Variants in EFCAB11 observed in about 807,000 individuals in gnomAD.
EFCAB11 encodes the protein EF-hand calcium binding domain 11.
Under a neutral mutation model 23.0 loss-of-function variants are expected in EFCAB11, and 14 were observed. The observed-to-expected ratio is 0.61, with a 90% confidence interval of 0.40 to 0.95. The LOEUF is 0.95. EFCAB11 is among the 40% of genes least tolerant of loss of function. The pLI, the probability that EFCAB11 is intolerant of heterozygous loss-of-function variation, is 0.00. For missense variants in EFCAB11, 198 were observed against 195.8 expected, an observed-to-expected ratio of 1.01 and a Z score of -0.07; for synonymous variants, 65 against 66.6, an observed-to-expected ratio of 0.98 and a Z score of 0.11.
intron 5 of EFCAB11, among the ~76,000 whole-genome samples, chr14:89,929,294 C>T (rs1005963166): frequency 6.6e-6 from 1 of 152,116 alleles, no homozygotes; most frequent in Non-Finnish European, 1.5e-5. Flanking sequence ...AAGCAGTCCT[C>T]CTGCCTTGGC....
chr14:89,834,133 T>TCACGAGGTCAGGAGATAGAGAC (rs1365166041), intron 5 of EFCAB11, among the ~76,000 whole-genome samples: 1 of 145,550 alleles, frequency 6.9e-6, no homozygotes, highest in Non-Finnish European at 1.6e-5. Context: ...GGCGGGCCTA[T>TCACGAGGTCAGGAGATAGAGAC]CACGAGGTCA....
intron 5 of EFCAB11, chr14:89,829,715 G>C (rs1364175554): frequency 6.6e-6 from 1 of 152,144 alleles, no homozygotes; most frequent in Non-Finnish European, 1.5e-5. Flanking sequence ...AGATTGCTAT[G>C]ACACATGTTC....
At position 89,875,381 on chromosome 14, in the gene EFCAB11, T is replaced by C. The variant is rs535473247; in HGVS notation, c.410+56160A>G. Among the ~76,000 whole-genome samples the C allele has an allele frequency of 2.0e-5, 3 of 152,228 alleles. 1 individual carries two copies. The South Asian group carries it at 6.2e-4, about 32-fold the overall frequency. The stretch of plus-strand genomic sequence containing the variant: ...TGAATTATGAACCTACAATTCAAGA[T>C]GAGATTTGGGTGGGGACACAGCCAA... On this transcript the variant is annotated intron_variant, in intron 5 of 5. Coordinates refer to ENST00000316738, the MANE Select transcript of EFCAB11 (RefSeq NM_145231.4).
intron 5 of EFCAB11, among the ~76,000 whole-genome samples, chr14:89,799,901 T>C (rs1023539430): frequency 1.3e-5 from 2 of 152,122 alleles, no homozygotes; most frequent in Non-Finnish European, 2.9e-5. Context: ...TAAAAACGCT[T>C]GTGGCTGGGC....
At chr14:89,879,819 C>T (rs558893940) in intron 5 of EFCAB11, among the ~76,000 whole-genome samples, 38 of 152,154 alleles carry the variant, frequency 2.5e-4, no homozygotes, top group African/African-American at 8.9e-4. Context: ...CTGAGTATAA[C>T]CTTATAAGCC....
At chr14:89,845,143 G>A (rs960034134) in intron 5 of EFCAB11, among the ~76,000 whole-genome samples, 2 of 152,128 alleles carry the variant, frequency 1.3e-5, no homozygotes, top group African/African-American at 2.4e-5. Flanking sequence ...ATAAACATAA[G>A]CTAAAGAAAT....
chr14:89,911,150 G>T (rs1889662422), intron 5 of EFCAB11, among the ~76,000 whole-genome samples: 1 of 152,000 alleles, frequency 6.6e-6, no homozygotes, highest in Non-Finnish European at 1.5e-5. Flanking sequence ...GAAGTCCAAG[G>T]GATTTAAACA....
intron 5 of EFCAB11, chr14:89,923,793 C>CTA: frequency 1.0e-5 from 10 of 985,414 alleles, no homozygotes; most frequent in Non-Finnish European, 1.2e-5. Flanking sequence ...GAAATTTTCT[C>CTA]TTGTTAGAGA....
intron 5 of EFCAB11, chr14:89,923,204 T>A (rs967249831): frequency 6.6e-6 from 1 of 152,166 alleles, no homozygotes; most frequent in African/African-American, 2.4e-5. Context: ...AAAGAGACAA[T>A]CAAAATCAAT....
chr14:89,923,600 G>T, intron 5 of EFCAB11: 1 of 817,256 alleles, frequency 1.2e-6, no homozygotes, highest in Non-Finnish European at 1.5e-6. Flanking sequence ...ATCTATGTAT[G>T]GCTACAAAGA....
chr14:89,896,157 G>A (rs1889150646), intron 5 of EFCAB11, among the ~76,000 whole-genome samples: 2 of 152,124 alleles, frequency 1.3e-5, no homozygotes, highest in African/African-American at 2.4e-5. Context: ...AGGCCGAGGC[G>A]GGCGGACCAC....
At position 89,797,055 on chromosome 14, in the gene EFCAB11, C is replaced by A; in HGVS notation, c.*188G>T. On this transcript the variant is annotated 3_prime_UTR_variant, in exon 6 of 6. Transcript: ENST00000316738. ...TCAATTACTTATTGCATGCCTGTGCCAAAATATCTCCCGTAACCCATATAT... is the reference window on the plus strand; with the variant it reads ...TCAATTACTTATTGCATGCCTGTGCAAAAATATCTCCCGTAACCCATATAT... 2.8e-6 allele frequency: 1 copy of A among 352,368 alleles called. No individual in the cohort carries two copies. The highest frequency in any genetic ancestry group is 4.5e-5 in the Admixed American group (1 of 22,412). The allele number at this position is 352,368 out of a possible 1,614,324, so 21.8% of individuals were successfully genotyped here.
intron 5 of EFCAB11, 95 bp from the exon 6 acceptor site, chr14:89,797,419 G>T: frequency 9.0e-7 from 1 of 1,115,448 alleles, no homozygotes; most frequent in Non-Finnish European, 1.3e-6. Context: ...GCATGTCTGT[G>T]TGAGAGAGGA....
At chr14:89,804,132 C>A (rs7149266) in intron 5 of EFCAB11, among the ~76,000 whole-genome samples, 108 of 152,336 alleles carry the variant, frequency 7.1e-4, no homozygotes, top group African/African-American at 2.5e-3. Context: ...GTATCTTTTG[C>A]TGTTTGGGAC....
intron 5 of EFCAB11, among the ~76,000 whole-genome samples, chr14:89,910,137 AAT>A (rs1457981085): frequency 6.6e-6 from 1 of 152,218 alleles, no homozygotes; most frequent in Non-Finnish European, 1.5e-5. Context: ...GATTCTAACA[AAT>A]ATGTGTTTCC....
intron 1 of EFCAB11, 114 bp from the exon 2 acceptor site, chr14:89,954,115 T>C: frequency 1.0e-6 from 1 of 957,104 alleles, no homozygotes; most frequent in Non-Finnish European, 1.5e-6. Flanking sequence ...CGGTAGAGTA[T>C]GAAAATAGAA....
chr14:89,839,860 T>C (rs1887201690), intron 5 of EFCAB11, among the ~76,000 whole-genome samples: 3 of 152,030 alleles, frequency 2.0e-5, no homozygotes. Context: ...ACTCATTCGC[T>C]ATATAGTACC....
chr14:89,873,099 C>G (rs1888333041), intron 5 of EFCAB11, among the ~76,000 whole-genome samples: 1 of 152,160 alleles, frequency 6.6e-6, no homozygotes, highest in Admixed American at 6.5e-5. Flanking sequence ...AGACTGGGTA[C>G]TTTATAAAGG....
intron 5 of EFCAB11, among the ~76,000 whole-genome samples, chr14:89,872,387 G>A (rs964323289): frequency 4.6e-5 from 7 of 152,344 alleles, no homozygotes; most frequent in African/African-American, 1.7e-4. Context: ...CCGCATGGGT[G>A]GGGCACAGTG....
Sources: gnomAD v4.1 joint callset for allele counts (sites outside exome capture counted in the v4.1 genomes callset) on GRCh38, gnomAD v4.1.1 for gene constraint, MANE v1.5 for transcripts, NCBI Gene and HGNC (gene_info 2026-07-23, HGNC 2026-07-21) for gene names.